Variants in STRBP observed in about 807,000 individuals in gnomAD.
The protein encoded by STRBP is spermatid perinuclear RNA-binding protein.
STRBP carries 13 observed loss-of-function variants against 80.1 expected under a neutral mutation model. The observed-to-expected ratio is 0.16, with a 90% CI of 0.11 to 0.26. The LOEUF (loss-of-function observed/expected upper bound fraction) is 0.26. Ranked by LOEUF, STRBP falls within the 10% of genes least tolerant of loss-of-function variation. The probability of loss-of-function intolerance (pLI) is 1.00; values close to 1 mark genes in which losing one functional copy is unlikely to be tolerated. For synonymous variants in STRBP, 284 were observed against 291.2 expected, an observed-to-expected ratio of 0.98 and a Z score of 0.25; for missense variants, 485 against 815.2, an observed-to-expected ratio of 0.59 and a Z score of 4.93.
chr9:123,120,492 G>A (rs1488617999), downstream of STRBP, among the ~76,000 whole-genome samples: 14 of 248 alleles, frequency 0.056, no homozygotes, highest in Non-Finnish European at 0.17. Context: ...CGGGGGGGTG[G>A]GGGGGGGGGG....
chr9:123,183,418 C>T (rs191978260), intron 3 of STRBP, among the ~76,000 whole-genome samples: 1 of 150,970 alleles, frequency 6.6e-6, no homozygotes, highest in Admixed American at 6.6e-5. Flanking sequence ...GCCCGGGCAA[C>T]AGGGTGAGAC....
chr9:123,142,818 T>C (rs572529489), intron 13 of STRBP, among the ~76,000 whole-genome samples: 212 of 152,174 alleles, frequency 1.4e-3, no homozygotes, highest in Non-Finnish European at 2.5e-3. Flanking sequence ...TTGGAATCCA[T>C]GTTAATGCTA....
At chr9:123,208,121 T>C (rs972075060) in intron 2 of STRBP, among the ~76,000 whole-genome samples, 2 of 152,038 alleles carry the variant, frequency 1.3e-5, no homozygotes, top group African/African-American at 2.4e-5. Flanking sequence ...TGTAAGTTTT[T>C]TTTTTTTTTT....
chr9:123,203,495 C>A (rs960354833), intron 2 of STRBP, among the ~76,000 whole-genome samples: 1 of 152,146 alleles, frequency 6.6e-6, no homozygotes, highest in African/African-American at 2.4e-5. Flanking sequence ...TTCTTGGCCT[C>A]AACCTCTATC....
At chr9:123,199,878 G>A (rs912988634) in intron 2 of STRBP, among the ~76,000 whole-genome samples, 1 of 151,988 alleles carries the variant, frequency 6.6e-6, no homozygotes, top group African/African-American at 2.4e-5. Context: ...TTGCCTAACT[G>A]ATCTGGCTAG....
At chr9:123,187,854 T>C (rs2038763832) in intron 2 of STRBP, among the ~76,000 whole-genome samples, 1 of 148,848 alleles carries the variant, frequency 6.7e-6, no homozygotes, top group African/African-American at 2.5e-5. Context: ...TAAACCAATG[T>C]TGATACATTA....
At chr9:123,258,630 T>G (rs574723664) in intron 1 of STRBP, among the ~76,000 whole-genome samples, 1 of 151,856 alleles carries the variant, frequency 6.6e-6, no homozygotes, top group African/African-American at 2.4e-5. Flanking sequence ...AGTGAAACCC[T>G]GTCTCTATTA....
At chr9:123,172,279 G>A (rs2038044176) in intron 5 of STRBP, among the ~76,000 whole-genome samples, 2 of 152,114 alleles carry the variant, frequency 1.3e-5, no homozygotes, top group East Asian at 1.9e-4. Context: ...TAAGAGTAAC[G>A]ATGTTTACTA....
At chr9:123,197,667 C>CTTTTTTTTTT (rs71388358) in intron 2 of STRBP, among the ~76,000 whole-genome samples, 6 of 87,382 alleles carry the variant, frequency 6.9e-5, no homozygotes, top group Non-Finnish European at 1.2e-4. Flanking sequence ...AAACATATTT[C>CTTTTTTTTTT]TTTTTTTTTT....
At chr9:123,175,852 A>G (rs2038196055) in intron 4 of STRBP, among the ~76,000 whole-genome samples, 1 of 152,226 alleles carries the variant, frequency 6.6e-6, no homozygotes, top group Admixed American at 6.5e-5. Flanking sequence ...ATAATCTTCC[A>G]AAGGCGCTGA....
chr9:123,115,010 T>C lies in STRBP; in HGVS notation c.*84+919A>G, dbSNP rs1417094542. 5 of 364,902 alleles carry C rather than the reference T, an allele frequency of 1.4e-5. No homozygotes were observed. Among genetic ancestry groups the C allele is most frequent in the Non-Finnish European group, 2.8e-5 (5 of 176,656 alleles). The allele number at this position is 364,902 out of a possible 1,614,324, so 22.6% of individuals were successfully genotyped here. A position where few individuals can be genotyped will look rare whatever the true frequency, so the allele number is the denominator to read the frequency against. On this transcript the variant is annotated intron_variant and NMD_transcript_variant, in intron 3 of 3. Coordinates refer to the STRBP transcript ENST00000471564. This position sits in a 1 kb window ranked among gnomAD's most constrained non-coding sequence, Gnocchi z 5.0. ...CATCAGCCTTGCCTCCTGACTCTGGTCCTTGGCTATCCAACTGTCCCAATC... is the reference window on the plus strand; with the variant it reads ...CATCAGCCTTGCCTCCTGACTCTGGCCCTTGGCTATCCAACTGTCCCAATC...
chr9:123,181,822 AAAAAAAAAAAAAAAG>A (rs2038474777), intron 3 of STRBP, among the ~76,000 whole-genome samples: 1 of 145,896 alleles, frequency 6.9e-6, no homozygotes, highest in African/African-American at 2.5e-5. Context: ...AAAAAAAAAA[AAAAAAAAAAAAAAAG>A]AAACAGTAAC....
At chr9:123,185,684 T>C (rs2038668021) in intron 2 of STRBP, among the ~76,000 whole-genome samples, 1 of 152,058 alleles carries the variant, frequency 6.6e-6, no homozygotes, top group Non-Finnish European at 1.5e-5. Flanking sequence ...CCAACCCTAC[T>C]CCATTCTAAG....
intron 2 of STRBP, among the ~76,000 whole-genome samples, chr9:123,210,311 C>G (rs1250192426): frequency 6.7e-6 from 1 of 148,472 alleles, no homozygotes; most frequent in East Asian, 2.0e-4. Context: ...CAAAAAACAC[C>G]CTAAAGATGG....
At chr9:123,262,765 C>A (rs1328603221) in intron 1 of STRBP, among the ~76,000 whole-genome samples, 3 of 152,180 alleles carry the variant, frequency 2.0e-5, no homozygotes, top group Non-Finnish European at 4.4e-5. Flanking sequence ...CTATACTTCT[C>A]AAATAGGATG....
At chr9:123,177,076 T>C (rs803726) in intron 4 of STRBP, among the ~76,000 whole-genome samples, 97,755 of 152,028 alleles carry the variant, frequency 0.64, 37,330 homozygotes, top group Non-Finnish European at 0.86. Flanking sequence ...ACTCACCAGG[T>C]GCACAATATA....
intron 2 of STRBP, among the ~76,000 whole-genome samples, chr9:123,186,880 T>G (rs2038720668): frequency 6.6e-6 from 1 of 152,046 alleles, no homozygotes; most frequent in African/African-American, 2.4e-5. Flanking sequence ...TCTTAAAATT[T>G]TTTTAAAAAC....
intron 1 of STRBP, among the ~76,000 whole-genome samples, chr9:123,242,087 C>CT (rs1414325986): frequency 6.6e-6 from 1 of 152,208 alleles, no homozygotes; most frequent in Non-Finnish European, 1.5e-5. Context: ...AAGGCTGGCT[C>CT]TTTCTTGACA....
chr9:123,263,328 G>T (rs2041196800), intron 1 of STRBP, among the ~76,000 whole-genome samples: 1 of 151,972 alleles, frequency 6.6e-6, no homozygotes, highest in African/African-American at 2.4e-5. Context: ...ATCAGCCTGG[G>T]CAACACAGCA....
Sources: gnomAD v4.1 joint callset for allele counts (sites outside exome capture counted in the v4.1 genomes callset) on GRCh38, gnomAD v4.1.1 for gene constraint, Gnocchi (gnomAD v3.1) non-coding constraint, MANE v1.5 for transcripts, NCBI Gene and HGNC (gene_info 2026-07-23, HGNC 2026-07-21) for gene names.